LTBR: variants seen among roughly 807,000 people sequenced by gnomAD.
The protein encoded by LTBR is tumor necrosis factor receptor superfamily member 3.
Under a neutral mutation model 45.4 loss-of-function variants are expected in LTBR, and 15 were observed. The ratio of observed to expected loss-of-function variants is 0.33; its 90% CI spans 0.22 to 0.51. The LOEUF (loss-of-function observed/expected upper bound fraction) is 0.51. LTBR is among the 20% of genes least tolerant of loss of function. The pLI, the probability that LTBR is intolerant of heterozygous loss-of-function variation, is 0.97. For synonymous variants in LTBR, 228 were observed against 231.0 expected, an observed-to-expected ratio of 0.99 and a Z score of 0.12; for missense variants, 450 against 565.5, an observed-to-expected ratio of 0.80 and a Z score of 2.07.
At chr12:6,387,029 A>G (rs994197721) in intron 6 of LTBR, 1 of 152,434 alleles carries the variant, frequency 6.6e-6, no homozygotes, top group Non-Finnish European at 1.5e-5. Flanking sequence ...TATCATCCTC[A>G]TGGACTGAAG....
At chr12:6,390,090 G>A in intron 8 of LTBR, 22 bp from the exon 9 acceptor site, 1 of 1,545,422 alleles carries the variant, frequency 6.5e-7, no homozygotes, top group Non-Finnish European at 8.9e-7. Context: ...TCATTGTTTG[G>A]GTCTCCATCT....
At chr12:6,379,727 G>A (rs910900735), upstream of LTBR, among the ~76,000 whole-genome samples, 3 of 151,768 alleles carry the variant, frequency 2.0e-5, no homozygotes, top group Admixed American at 6.6e-5. Flanking sequence ...TCAGGGGATC[G>A]AGGCCATCCT....
upstream of LTBR, chr12:6,384,039 C>T (rs1221250229): frequency 1.7e-6 from 2 of 1,193,090 alleles, no homozygotes; most frequent in Admixed American, 4.5e-5. Context: ...ACGTGCTTTC[C>T]CGGCCGCCCC....
intron 2 of LTBR, 59 bp from the exon 3 acceptor site, chr12:6,384,963 A>G: frequency 6.2e-7 from 1 of 1,605,432 alleles, no homozygotes; most frequent in Non-Finnish European, 8.5e-7. Context: ...CACTACAGGC[A>G]GCGGAGGTGA....
Position 6,388,997 on chromosome 12 carries a change from C to A in LTBR, c.801+172C>A. On this transcript the variant is annotated intron_variant, in intron 8 of 9. Coordinates refer to ENST00000228918, the MANE Select transcript of LTBR (RefSeq NM_002342.3). The surrounding 1 kb of genome is among the most constrained non-coding windows in gnomAD (Gnocchi z 4.3). ...ACTGTCCTAGGCACTGGGCGTACAGCAGTGAGCAAAACACAGTACCTCATT... is the reference window on the plus strand; with the variant it reads ...ACTGTCCTAGGCACTGGGCGTACAGAAGTGAGCAAAACACAGTACCTCATT... The A allele has an allele frequency of 1.4e-6, 1 of 708,850 alleles. No homozygotes were observed. Among genetic ancestry groups the A allele is most frequent in the Non-Finnish European group, 2.4e-6 (1 of 417,464 alleles). 43.9% of individuals were successfully genotyped at this position (708,850 alleles called of 1,614,324 possible). A position where few individuals can be genotyped will look rare whatever the true frequency, so the allele number is the denominator to read the frequency against.
Position 6,390,203 on chromosome 12 carries a change from C to T in LTBR, c.893C>T (p.Ser298Phe). The change falls in exon 9 of 10, where the codon TCT becomes TTT. Residue 298 changes from serine to phenylalanine, a missense_variant. Around this residue, in one of 3 missense-constraint regions of LTBR, gnomAD observed 367 missense variants for 435.4 expected, o/e 0.84. Transcript: ENST00000228918. ...TTGGTACAGCCACTGCTACCCATTT[C>T]TGGAGATGTTTCCCCAGTATCCACT... ...PDLVQPLLPI[S>F]GDVSPVSTGL... The T allele has an allele frequency of 6.2e-7, 1 of 1,614,130 alleles. No individual in the cohort carries two copies. Among genetic ancestry groups the T allele is most frequent in the Non-Finnish European group, 8.5e-7 (1 of 1,180,036 alleles).
intron 1 of LTBR, among the ~76,000 whole-genome samples, chr12:6,376,717 G>C (rs1948917373): frequency 6.6e-6 from 1 of 152,172 alleles, no homozygotes; most frequent in Non-Finnish European, 1.5e-5. Flanking sequence ...AGGAGACTCG[G>C]GAGAGCCACC....
At chr12:6,382,291 T>C (rs1330197543), upstream of LTBR, among the ~76,000 whole-genome samples, 1 of 151,876 alleles carries the variant, frequency 6.6e-6, no homozygotes, top group Non-Finnish European at 1.5e-5. Flanking sequence ...AGTGTGTGCG[T>C]TGGTGGGGGA....
At position 6,386,334 on chromosome 12, in the gene LTBR, T is replaced by C. The variant is rs752160634; in HGVS notation, c.570-13T>C. 4.3e-6 allele frequency: 7 copies of C among 1,610,800 alleles called. No homozygotes were observed. ...AGGGCGTGAAAAGGTCATCATCTTT[T>C]TTTCCTCTGCAGGTGTGAGAACCAA... On this transcript the variant is annotated splice_polypyrimidine_tract_variant and intron_variant, in intron 5 of 9. Coordinates refer to ENST00000228918, the MANE Select transcript of LTBR (RefSeq NM_002342.3). The surrounding 1 kb of genome is among the most constrained non-coding windows in gnomAD (Gnocchi z 4.1).
rs1949111348 is a variant in LTBR at position 6,391,295 on chromosome 12, C to T, written c.*358C>T. ...CACACGGTCACCTGCAAGGACGTCACGGGCCCCTCTAAAGGATTCGTGGTG... is the reference window on the plus strand; with the variant it reads ...CACACGGTCACCTGCAAGGACGTCATGGGCCCCTCTAAAGGATTCGTGGTG... On this transcript the variant is annotated 3_prime_UTR_variant, in exon 10 of 10. Coordinates refer to ENST00000228918, the MANE Select transcript of LTBR (RefSeq NM_002342.3). The T allele has an allele frequency of 1.6e-5, 3 of 193,110 alleles. No individual in the cohort carries two copies. The highest frequency in any genetic ancestry group is 2.3e-5 in the African/African-American group (1 of 43,144). 12.0% of individuals were successfully genotyped at this position (193,110 alleles called of 1,614,324 possible). A position where few individuals can be genotyped will look rare whatever the true frequency, so the allele number is the denominator to read the frequency against.
At chr12:6,378,775 G>A (rs1948945607) in intron 1 of LTBR, among the ~76,000 whole-genome samples, 1 of 152,152 alleles carries the variant, frequency 6.6e-6, no homozygotes, top group South Asian at 2.1e-4. Context: ...AAGAAGTCAA[G>A]AGCTTTGTAG....
At chr12:6,384,042 GCCGCCCCTC>G, upstream of LTBR, 1 of 1,195,338 alleles carries the variant, frequency 8.4e-7, no homozygotes, top group African/African-American at 1.6e-5. Flanking sequence ...TGCTTTCCCG[GCCGCCCCTC>G]CCGCCCCGCA....
Position 6,384,179 on chromosome 12 carries a change from T to TC in LTBR, c.-178dup. On this transcript the variant is annotated 5_prime_UTR_variant, in exon 1 of 10. Transcript: ENST00000228918. ...CTCGCTCCACTCCCACTTCCTGAGC[T>TC]CCGCCATGGGAGCCCTGGAGGCCCG... 7.7e-7 allele frequency: 1 copy of TC among 1,299,146 alleles called. No individual in the cohort carries two copies. The highest frequency in any genetic ancestry group is 9.7e-7 in the Non-Finnish European group (1 of 1,027,860). 80.5% of individuals were successfully genotyped at this position (1,299,146 alleles called of 1,614,324 possible). A position where few individuals can be genotyped will look rare whatever the true frequency, so the allele number is the denominator to read the frequency against.
chr12:6,378,833 TCC>T (rs1351280992), intron 1 of LTBR, among the ~76,000 whole-genome samples: 1 of 151,672 alleles, frequency 6.6e-6, no homozygotes, highest in African/African-American at 2.4e-5. Flanking sequence ...ACCCCCAGAC[TCC>T]CCCAGAGCCC....
chr12:6,376,374 C>T (rs758547265), intron 1 of LTBR, among the ~76,000 whole-genome samples: 4 of 152,242 alleles, frequency 2.6e-5, no homozygotes, highest in Non-Finnish European at 4.4e-5. Context: ...GTGTAATCGC[C>T]CCTGCTGTGG....
At position 6,390,766 on chromosome 12, in the gene LTBR, A is replaced by G. The variant is rs1317853039; in HGVS notation, c.1137A>G (p.Pro379=). ...GACCACCGGGTCCTGGAGACCTCCC[A>G]GCTACCCCCGAACCTCCATACCCCA... ...LGGPPGPGDL[P]ATPEPPYPIP... Residue 379 remains proline, a synonymous_variant, in exon 10 of 10, where the codon CCA becomes CCG. Transcript: ENST00000228918. 4.4e-6 allele frequency: 7 copies of G among 1,582,794 alleles called. No individual in the cohort carries two copies. Among genetic ancestry groups the G allele is most frequent in the East Asian group, 2.2e-5 (1 of 44,482 alleles).
chr12:6,387,337 T>G (rs1443471058), intron 6 of LTBR: 1 of 152,314 alleles, frequency 6.6e-6, no homozygotes, highest in African/African-American at 2.4e-5. Context: ...TTTTAATATT[T>G]CGTAACCTGA....
intron 1 of LTBR, among the ~76,000 whole-genome samples, chr12:6,376,715 C>T (rs1184714290): frequency 1.3e-5 from 2 of 152,108 alleles, no homozygotes; most frequent in East Asian, 1.9e-4. Context: ...GGAGGAGACT[C>T]GGGAGAGCCA....
chr12:6,377,726 G>A (rs1044568703), intron 1 of LTBR: 3 of 1,267,702 alleles, frequency 2.4e-6, no homozygotes, highest in Non-Finnish European at 3.1e-6. Context: ...GATCTCAAAG[G>A]TTCTGAAAAG....
Sources: gnomAD v4.1 joint callset for allele counts (sites outside exome capture counted in the v4.1 genomes callset) on GRCh38, gnomAD v4.1.1 for gene constraint, gnomAD v4.1.1 regional missense constraint, Gnocchi (gnomAD v3.1) non-coding constraint, MANE v1.5 for transcripts, NCBI Gene and HGNC (gene_info 2026-07-23, HGNC 2026-07-21) for gene names.